Variants in TECPR2 observed in about 807,000 individuals in gnomAD.
TECPR2 encodes the protein tectonin beta-propeller repeat containing 2, also known as tectonin beta-propeller repeat-containing protein 2.
A neutral mutation model predicts 138.1 loss-of-function variants in TECPR2; 65 were observed. That is an observed-to-expected ratio of 0.47 (90% CI 0.39 to 0.58). The LOEUF is 0.58. Among genes scored for constraint, TECPR2 ranks in the 20% least tolerant of loss-of-function variants. The probability of loss-of-function intolerance (pLI) is 0.00; values close to 1 mark genes in which losing one functional copy is unlikely to be tolerated. For missense variants in TECPR2, 1,553 were observed against 1,824.5 expected (o/e 0.85, Z 2.71); for synonymous variants, 746 against 749.8 (o/e 0.99, Z 0.08).
intron 16 of TECPR2, among the ~76,000 whole-genome samples, chr14:102,460,626 T>A (rs1341691725): frequency 6.6e-6 from 1 of 151,066 alleles, no homozygotes; most frequent in Non-Finnish European, 1.5e-5. Context: ...AAAAAAAAAA[T>A]TAAATTTTAA....
Position 102,443,747 on chromosome 14 carries a change from A to T in TECPR2, c.2853A>T (p.Thr951=). ...TARNNVVWAL[T]EQRALLYREG... ...GGAACAATGTGGTGTGGGCGCTGACAGAGCAGAGGGCCCTCCTGTACCGGG... is the reference window on the plus strand; with the variant it reads ...GGAACAATGTGGTGTGGGCGCTGACTGAGCAGAGGGCCCTCCTGTACCGGG... Residue 951 remains threonine, a synonymous_variant, in exon 12 of 20, where the codon ACA becomes ACT. Coordinates refer to ENST00000359520, the MANE Select transcript of TECPR2 (RefSeq NM_014844.5). This position sits in a 1 kb window ranked among gnomAD's most constrained non-coding sequence, Gnocchi z 4.9. 4 of 1,612,434 alleles carry T rather than the reference A, an allele frequency of 2.5e-6. No homozygotes were observed. In the South Asian group the frequency reaches 4.4e-5, roughly 18 times the overall value.
Position 102,501,886 on chromosome 14 carries a change from G to A in TECPR2, c.*3629G>A, listed in dbSNP as rs1244489011. 2.0e-5 allele frequency: 3 copies of A among 152,270 alleles called. No homozygotes were observed. The highest frequency in any genetic ancestry group is 1.3e-4 in the Admixed American group (2 of 15,286). The allele number at this position is 152,270 out of a possible 1,614,324, so 9.4% of individuals were successfully genotyped here. ...CCCCCAGCACCCCGGAAGCAGAGGT[G>A]AGATGGGAGCAGCTTGGGAGCCCCC... On this transcript the variant is annotated 3_prime_UTR_variant, in exon 20 of 20. Coordinates refer to ENST00000359520, the MANE Select transcript of TECPR2 (RefSeq NM_014844.5).
chr14:102,428,840 C>A (rs757147622), intron 7 of TECPR2, among the ~76,000 whole-genome samples: 4 of 151,788 alleles, frequency 2.6e-5, no homozygotes, highest in Non-Finnish European at 5.9e-5. Context: ...TGGAGGGTTT[C>A]CTCTGATTCT....
At chr14:102,384,846 CTTTT>C (rs58616138) in intron 2 of TECPR2, among the ~76,000 whole-genome samples, 9 of 99,390 alleles carry the variant, frequency 9.1e-5, no homozygotes, top group East Asian at 2.8e-4. Flanking sequence ...TTTTCCTTTC[CTTTT>C]TTTTTTTTTT....
chr14:102,446,390 G>T (rs1228536509), intron 13 of TECPR2, among the ~76,000 whole-genome samples: 1 of 152,184 alleles, frequency 6.6e-6, no homozygotes, highest in Non-Finnish European at 1.5e-5. Flanking sequence ...CTCGAGTCCA[G>T]GAGTTCAAAG....
At chr14:102,475,517 G>A (rs780376783) in intron 17 of TECPR2, among the ~76,000 whole-genome samples, 1 of 152,162 alleles carries the variant, frequency 6.6e-6, no homozygotes. Flanking sequence ...ATGCCCAGGA[G>A]TGTTTTGCCT....
At chr14:102,365,644 A>G (rs1887327008) in intron 1 of TECPR2, among the ~76,000 whole-genome samples, 1 of 152,230 alleles carries the variant, frequency 6.6e-6, no homozygotes, top group Non-Finnish European at 1.5e-5. Flanking sequence ...TATATGATTC[A>G]ATTTTGATGA....
chr14:102,378,113 A>G (rs1051661455), intron 2 of TECPR2, among the ~76,000 whole-genome samples: 1 of 152,220 alleles, frequency 6.6e-6, no homozygotes, highest in Non-Finnish European at 1.5e-5. Context: ...TGAGTACGTC[A>G]CTTTTGTGAG....
chr14:102,485,025 T>C (rs1459162806), intron 17 of TECPR2, among the ~76,000 whole-genome samples: 2 of 152,222 alleles, frequency 1.3e-5, no homozygotes, highest in Non-Finnish European at 2.9e-5. Context: ...GAAAGAGTAA[T>C]TGTGTGCTCA....
rs548771210 is a variant in TECPR2, at chr14:102,478,673, A to G, written c.3789+13384A>G. On this transcript the variant is annotated intron_variant, in intron 17 of 19. Coordinates refer to ENST00000359520, the MANE Select transcript of TECPR2 (RefSeq NM_014844.5). ...CAAAAAAAAAAAAAAGTTTTAAATG[A>G]AGATTATAGGGTACCCTACATTGTG... 3.3e-5 allele frequency among the ~76,000 whole-genome samples: 5 copies of G among 151,550 alleles called. No individual in the cohort carries two copies. In the South Asian group the frequency reaches 1.0e-3, roughly 32 times the overall value.
At position 102,425,126 on chromosome 14, in the gene TECPR2, C is replaced by G. The variant is rs764422441; in HGVS notation, c.786C>G (p.Ala262=). 1 of 1,614,092 alleles carries G rather than the reference C, an allele frequency of 6.2e-7. No homozygotes were observed. Among genetic ancestry groups the G allele is most frequent in the South Asian group, 1.1e-5 (1 of 91,068 alleles). Residue 262 remains alanine (A), a synonymous_variant, in exon 6 of 20, where the codon GCC becomes GCG. Transcript: ENST00000359520. Reference sequence around the variant, plus strand: ...CGTTTATCTTAAAAGATGCTTTTGCCGGGGGAGTCAAGCCTTTTGAACTGC... The same window carrying G: ...CGTTTATCTTAAAAGATGCTTTTGCGGGGGGAGTCAAGCCTTTTGAACTGC... The part of the protein sequence containing the change: ...QATFILKDAF[A]GGVKPFELHP...
At position 102,500,114 on chromosome 14, in the gene TECPR2, T is replaced by C. The variant is rs1891404541; in HGVS notation, c.*1857T>C. The C allele has an allele frequency of 6.5e-6, 1 of 152,698 alleles. No individual in the cohort carries two copies. 9.5% of individuals were successfully genotyped at this position (152,698 alleles called of 1,614,324 possible). On this transcript the variant is annotated 3_prime_UTR_variant, in exon 20 of 20. Transcript: ENST00000359520. ...TTGTAGCTTCGTGCTTTGTACAGTTTTCTTTCTGGTTTTAATTTTTAGTTG... is the reference window on the plus strand; with the variant it reads ...TTGTAGCTTCGTGCTTTGTACAGTTCTCTTTCTGGTTTTAATTTTTAGTTG...
At chr14:102,377,833 A>G (rs1887682097) in intron 2 of TECPR2, among the ~76,000 whole-genome samples, 2 of 152,250 alleles carry the variant, frequency 1.3e-5, no homozygotes, top group Admixed American at 6.5e-5. Flanking sequence ...CAAAGTTTTG[A>G]ATAATCTCTA....
chr14:102,495,245 G>A (rs1475115747), intron 17 of TECPR2, among the ~76,000 whole-genome samples: 1 of 152,094 alleles, frequency 6.6e-6, no homozygotes, highest in African/African-American at 2.4e-5. Flanking sequence ...CTTTCTGACA[G>A]CCAGAATCAG....
intron 4 of TECPR2, among the ~76,000 whole-genome samples, chr14:102,413,384 TA>T (rs1295691746): frequency 6.7e-5 from 10 of 149,398 alleles, no homozygotes; most frequent in Admixed American, 6.0e-4. Context: ...AATGTATATA[TA>T]TATATATTTT....
rs377631259 is a variant in TECPR2 at position 102,497,062 on chromosome 14, C to T, written c.3873C>T (p.His1291=). 44 of 1,613,726 alleles carry T rather than the reference C, an allele frequency of 2.7e-5. No individual in the cohort carries two copies. The Middle Eastern group carries it at 8.2e-4, about 30-fold the overall frequency. The change falls in exon 18 of 20, where the codon CAC becomes CAT. Residue 1291 remains histidine (H), a synonymous_variant. Transcript: ENST00000359520. The stretch of plus-strand genomic sequence containing the variant: ...TGCTTGACAGCAGGTGGAACGTGCA[C>T]GTGCGGACCGGGATCACCGAGGAGA... ...LWVLDSRWNV[H]VRTGITEEMP... is the part of the protein sequence containing the mutation.
chr14:102,411,177 C>G (rs1223633261), intron 4 of TECPR2, among the ~76,000 whole-genome samples: 2 of 152,262 alleles, frequency 1.3e-5, no homozygotes, highest in Non-Finnish European at 2.9e-5. Context: ...TTGAAGCAGC[C>G]CTGAGAAACA....
Position 102,498,816 on chromosome 14 carries a change from G to A in TECPR2, c.*559G>A, listed in dbSNP as rs1348512293. The A allele has an allele frequency of 1.7e-6, 1 of 577,702 alleles. No individual in the cohort carries two copies. The highest frequency in any genetic ancestry group is 3.3e-6 in the Non-Finnish European group (1 of 303,512). 35.8% of individuals were successfully genotyped at this position (577,702 alleles called of 1,614,324 possible). A position where few individuals can be genotyped will look rare whatever the true frequency, so the allele number is the denominator to read the frequency against. Reference sequence around the variant, plus strand: ...CAGGAAGCTGAGGCCGGGCTTGAGAGGAGAGCGCTGGCCATGCCAGGAGAG... The same window carrying A: ...CAGGAAGCTGAGGCCGGGCTTGAGAAGAGAGCGCTGGCCATGCCAGGAGAG... On this transcript the variant is annotated 3_prime_UTR_variant, in exon 20 of 20. Transcript: ENST00000359520.
chr14:102,423,143 G>C (rs1028992068), intron 5 of TECPR2, among the ~76,000 whole-genome samples: 3 of 152,106 alleles, frequency 2.0e-5, no homozygotes, highest in Non-Finnish European at 4.4e-5. Context: ...CTTAAAATGA[G>C]ATTTTTTGGC....
Sources: gnomAD v4.1 joint callset for allele counts (sites outside exome capture counted in the v4.1 genomes callset) on GRCh38, gnomAD v4.1.1 for gene constraint, Gnocchi (gnomAD v3.1) non-coding constraint, MANE v1.5 for transcripts, NCBI Gene and HGNC (gene_info 2026-07-23, HGNC 2026-07-21) for gene names.